FAM184A: variants seen among roughly 807,000 people sequenced by gnomAD.
The protein encoded by FAM184A is family with sequence similarity 184 member A.
A neutral mutation model predicts 143.8 loss-of-function variants in FAM184A; 99 were observed. The observed-to-expected ratio is 0.69, with a 90% confidence interval of 0.58 to 0.81. The LOEUF is 0.81. Ranked by LOEUF, FAM184A falls within the 40% of genes least tolerant of loss-of-function variation. FAM184A has a pLI of 0.00. For missense variants in FAM184A, 1,217 were observed against 1,310.5 expected, an observed-to-expected ratio of 0.93 and a Z score of 1.10; for synonymous variants, 427 against 446.4, an observed-to-expected ratio of 0.96 and a Z score of 0.55.
chr6:119,147,236 A>G (rs79436535), intron 1 of FAM184A, among the ~76,000 whole-genome samples: 1,904 of 152,174 alleles, frequency 0.013, 43 homozygotes, highest in African/African-American at 0.044. Flanking sequence ...TGCTTCAGCT[A>G]CATAGTAGTG....
At position 119,024,530 on chromosome 6, in the gene FAM184A, A is replaced by C. The variant is rs1785564278; in HGVS notation, c.443T>G (p.Val148Gly). 6.2e-7 allele frequency: 1 copy of C among 1,613,838 alleles called. No individual in the cohort carries two copies. The highest frequency in any genetic ancestry group is 8.5e-7 in the Non-Finnish European group (1 of 1,179,980). ...DMQLCAEAQHVQRIVTMSREV... is the reference protein window; with the variant it reads ...DMQLCAEAQHGQRIVTMSREV... ...TCTAGACATGGTCACTATGCGTTGGACATGCTGGGCTTCTGCACAAAGTTG... is the reference window on the plus strand; with the variant it reads ...TCTAGACATGGTCACTATGCGTTGGCCATGCTGGGCTTCTGCACAAAGTTG... The change falls in exon 2 of 18, where the codon GTC becomes GGC. Residue 148 changes from valine to glycine, a missense_variant. By Grantham distance (109) the Val-to-Gly change is moderately radical. Transcript: ENST00000338891.
At chr6:118,967,877 CTGAG>C (rs1225774367) in intron 14 of FAM184A, among the ~76,000 whole-genome samples, 3 of 152,090 alleles carry the variant, frequency 2.0e-5, no homozygotes, top group African/African-American at 7.2e-5. Context: ...CTCATGAATA[CTGAG>C]TAACTTGTAG....
chr6:118,964,460 A>G (rs1032657491), intron 16 of FAM184A, among the ~76,000 whole-genome samples: 2 of 152,240 alleles, frequency 1.3e-5, no homozygotes, highest in African/African-American at 4.8e-5. Context: ...TAATATTGGT[A>G]AAATATATTT....
At chr6:119,129,722 GT>G (rs67422463) in intron 1 of FAM184A, among the ~76,000 whole-genome samples, 53,238 of 147,042 alleles carry the variant, frequency 0.36, 9,790 homozygotes, top group East Asian at 0.47. Context: ...GTGTGTGTGT[GT>G]GGGGGGTTGT....
chr6:119,049,785 A>C (rs768465755), intron 1 of FAM184A, among the ~76,000 whole-genome samples: 13 of 152,228 alleles, frequency 8.5e-5, no homozygotes, highest in Non-Finnish European at 1.9e-4. Flanking sequence ...CAAAGGTTCC[A>C]TGACAAGGAC....
At chr6:118,976,467 A>T (rs1381514446) in intron 11 of FAM184A, among the ~76,000 whole-genome samples, 2 of 152,190 alleles carry the variant, frequency 1.3e-5, no homozygotes, top group Admixed American at 1.3e-4. Context: ...GTTCGAGACC[A>T]GCCTGATCAA....
rs1202971153 is a variant in FAM184A at position 119,147,064 on chromosome 6, G to GTT, written c.-202+2012_-202+2013dup. On this transcript the variant is annotated intron_variant, in intron 1 of 16. Transcript: ENST00000352896. ...TCCAGCGGGGGCAGTGGCAGGCTCTGTTTTTTTTTTTTTTGTTTTTTTGTC... is the reference window on the plus strand; with the variant it reads ...TCCAGCGGGGGCAGTGGCAGGCTCTGTTTTTTTTTTTTTTTTGTTTTTTTGTC... Among the ~76,000 whole-genome samples, 334 of 116,298 alleles carry GTT rather than the reference G, an allele frequency of 2.9e-3. 6 individuals are homozygous for GTT. Among genetic ancestry groups the GTT allele is most frequent in the African/African-American group, 7.2e-3 (224 of 31,326 alleles). 76.3% of individuals were successfully genotyped at this position (116,298 alleles called of 152,430 possible). A position where few individuals can be genotyped will look rare whatever the true frequency, so the allele number is the denominator to read the frequency against.
intron 1 of FAM184A, among the ~76,000 whole-genome samples, chr6:119,040,593 A>C (rs1786291495): frequency 1.3e-5 from 2 of 152,170 alleles, no homozygotes; most frequent in African/African-American, 4.8e-5. Context: ...GGTGGGGCTA[A>C]AGCCTAAACC....
At chr6:118,984,665 T>A (rs1013249808) in intron 9 of FAM184A, among the ~76,000 whole-genome samples, 1 of 152,210 alleles carries the variant, frequency 6.6e-6, no homozygotes, top group African/African-American at 2.4e-5. Context: ...AATATCGGTG[T>A]TTTTTCTTCA....
intron 1 of FAM184A, among the ~76,000 whole-genome samples, chr6:119,069,874 T>A (rs1056686917): frequency 4.6e-5 from 7 of 152,208 alleles, no homozygotes; most frequent in Admixed American, 1.3e-4. Context: ...GTTATTTTAC[T>A]AAAATTATCA....
chr6:119,042,255 G>A (rs1167542563), intron 1 of FAM184A, among the ~76,000 whole-genome samples: 1 of 152,186 alleles, frequency 6.6e-6, no homozygotes, highest in African/African-American at 2.4e-5. Context: ...AAGAAAGGGG[G>A]AATGCCTTCT....
intron 1 of FAM184A, among the ~76,000 whole-genome samples, chr6:119,113,919 G>T (rs1350785220): frequency 6.6e-6 from 1 of 152,194 alleles, no homozygotes; most frequent in Non-Finnish European, 1.5e-5. Context: ...TTCAGCCTGA[G>T]TGACAGAGAA....
rs1787827750 is a variant in FAM184A at position 119,075,164 on chromosome 6, GAATA to G, written c.159+2973_159+2976del. On this transcript the variant is annotated intron_variant, in intron 1 of 17. Transcript: ENST00000338891. ...TTTCAGAACATTCTACCACAATGCA[GAATA>G]AATGTGAAACCTTTAAACTTTGATA... is the stretch of plus-strand genomic sequence containing the variant. Among the ~76,000 whole-genome samples the G allele has an allele frequency of 2.6e-5, 4 of 152,132 alleles. No individual in the cohort carries two copies. The Middle Eastern group carries it at 0.014, about 517-fold the overall frequency.
At chr6:119,127,280 G>T (rs1003654139) in intron 1 of FAM184A, among the ~76,000 whole-genome samples, 2 of 152,120 alleles carry the variant, frequency 1.3e-5, no homozygotes, top group Non-Finnish European at 2.9e-5. Context: ...TCCCTTCACA[G>T]TAGCACCTAG....
At chr6:119,092,311 A>G (rs1456852693) in intron 1 of FAM184A, among the ~76,000 whole-genome samples, 1 of 151,646 alleles carries the variant, frequency 6.6e-6, no homozygotes, top group African/African-American at 2.4e-5. Context: ...CTAATTTCTT[A>G]TTGTTTCTAG....
chr6:119,023,019 T>A lies in FAM184A; in HGVS notation c.1076A>T (p.Lys359Ile). Residue 359 changes from lysine to isoleucine, a missense_variant, in exon 3 of 18, where the codon AAA becomes ATA. Physicochemically the swap from Lys to Ile is moderately radical, Grantham distance 102. Transcript: ENST00000338891. ...AGCTGCTAGCTCACTTTCCACTTCTTTGTGCTTGCTTAATAGGGCCATTTC... is the reference window on the plus strand; with the variant it reads ...AGCTGCTAGCTCACTTTCCACTTCTATGTGCTTGCTTAATAGGGCCATTTC... ...EGEMALLSKH[K>I]EVESELAAAR... is the part of the protein sequence containing the mutation. 6.2e-7 allele frequency: 1 copy of A among 1,614,210 alleles called. No individual in the cohort carries two copies.
At chr6:119,029,913 G>A (rs898280735) in intron 1 of FAM184A, among the ~76,000 whole-genome samples, 1 of 152,004 alleles carries the variant, frequency 6.6e-6, no homozygotes, top group African/African-American at 2.4e-5. Flanking sequence ...GAGTAGTTGT[G>A]GAAAACACCT....
At chr6:119,001,673 C>T (rs1057265263) in intron 9 of FAM184A, among the ~76,000 whole-genome samples, 4 of 152,102 alleles carry the variant, frequency 2.6e-5, no homozygotes, top group Admixed American at 6.6e-5. Flanking sequence ...GCAGGAGAAG[C>T]GGTGGGCCAC....
intron 1 of FAM184A, among the ~76,000 whole-genome samples, chr6:119,103,163 G>C (rs1382878500): frequency 3.3e-5 from 5 of 152,146 alleles, no homozygotes; most frequent in African/African-American, 1.2e-4. Flanking sequence ...TTCTACCTGT[G>C]GACACTGCTG....
Sources: allele counts gnomAD v4.1 joint callset (sites outside exome capture counted in the v4.1 genomes callset), GRCh38; gene constraint gnomAD v4.1.1; transcripts MANE v1.5; gene names NCBI Gene and HGNC (gene_info 2026-07-23, HGNC 2026-07-21).